Variants in KCNIP4 observed in about 807,000 individuals in gnomAD.
The protein encoded by KCNIP4 is Kv channel-interacting protein 4.
In KCNIP4, 12 loss-of-function variants were observed where a neutral mutation model predicts 34.0. The observed-to-expected ratio is 0.35, with a 90% CI of 0.23 to 0.57. The LOEUF (loss-of-function observed/expected upper bound fraction) is 0.57. KCNIP4 is among the 20% of genes least tolerant of loss of function. KCNIP4 has a pLI of 0.83. For missense variants in KCNIP4, 238 were observed against 311.7 expected, an observed-to-expected ratio of 0.76 and a Z score of 1.78; for synonymous variants, 124 against 102.2, an observed-to-expected ratio of 1.21 and a Z score of -1.29.
intron 1 of KCNIP4, among the ~76,000 whole-genome samples, chr4:21,580,815 A>G (rs556772170): frequency 2.0e-5 from 3 of 152,210 alleles, no homozygotes; most frequent in South Asian, 2.1e-4. Context: ...CATTAAAAAC[A>G]TGGTATACAG....
intron 1 of KCNIP4, among the ~76,000 whole-genome samples, chr4:21,715,365 T>C (rs1198343057): frequency 6.6e-6 from 1 of 152,012 alleles, no homozygotes; most frequent in Non-Finnish European, 1.5e-5. Context: ...CTCCTGACCT[T>C]GTGATCCGCC....
chr4:21,813,610 A>G (rs1242350512), intron 1 of KCNIP4, among the ~76,000 whole-genome samples: 1 of 152,214 alleles, frequency 6.6e-6, no homozygotes, highest in Non-Finnish European at 1.5e-5. Flanking sequence ...AAACATAAGT[A>G]AATGAAGAGT....
At chr4:21,463,768 G>A (rs67990405) in intron 1 of KCNIP4, among the ~76,000 whole-genome samples, 17,793 of 152,040 alleles carry the variant, frequency 0.12, 1,227 homozygotes, top group South Asian at 0.16. Flanking sequence ...TTTTGAAAGA[G>A]TTTGTAAAGA....
At chr4:21,737,414 G>C (rs1309606032) in intron 1 of KCNIP4, among the ~76,000 whole-genome samples, 2 of 151,684 alleles carry the variant, frequency 1.3e-5, no homozygotes, top group African/African-American at 4.8e-5. Context: ...TCAATGAAAA[G>C]GCAAAAATAT....
At chr4:20,817,236 T>C (rs1298892840) in intron 3 of KCNIP4, among the ~76,000 whole-genome samples, 1 of 152,188 alleles carries the variant, frequency 6.6e-6, no homozygotes, top group Non-Finnish European at 1.5e-5. Context: ...CCATTTTACC[T>C]CCATAGGAAG....
rs1748362201 is a variant in KCNIP4, at chr4:20,731,926, G to A, written c.705+80C>T. The A allele has an allele frequency of 3.2e-6, 5 of 1,584,640 alleles. No individual in the cohort carries two copies. In the African/African-American group the frequency reaches 4.0e-5, roughly 13 times the overall value. On this transcript the variant is annotated intron_variant, in intron 8 of 8. Coordinates refer to ENST00000382152, the MANE Select transcript of KCNIP4 (RefSeq NM_025221.6). ...GCATATGATCTCTATATTTCGCCCA[G>A]TTCATGGTAGCTAGCTGCTAATACT... is the stretch of plus-strand genomic sequence containing the variant.
chr4:21,635,896 C>G (rs1343703254), intron 1 of KCNIP4, among the ~76,000 whole-genome samples: 4 of 151,570 alleles, frequency 2.6e-5, no homozygotes, highest in Non-Finnish European at 4.4e-5. Context: ...ACCCAAATGT[C>G]CAACAATGAT....
rs1249905286 is a variant in KCNIP4, at chr4:21,151,307, C to T, written c.62-268598G>A. Among the ~76,000 whole-genome samples, 3 of 151,728 alleles carry T rather than the reference C, an allele frequency of 2.0e-5. 1 individual carries two copies. The highest frequency in any genetic ancestry group is 7.3e-5 in the African/African-American group (3 of 41,282). On this transcript the variant is annotated intron_variant, in intron 1 of 8. Transcript: ENST00000382152. The stretch of plus-strand genomic sequence containing the variant: ...AAATTACAATGGTAACTAATGACTT[C>T]CACAGTTTCCCACAATCACATCAGG...
At chr4:21,784,451 C>T (rs11942426) in intron 1 of KCNIP4, among the ~76,000 whole-genome samples, 18,404 of 151,712 alleles carry the variant, frequency 0.12, 3,365 homozygotes, top group African/African-American at 0.39. Context: ...ATTAAAAAAT[C>T]ACATTTTAAA....
chr4:20,744,731 A>G (rs961494843), intron 5 of KCNIP4, among the ~76,000 whole-genome samples: 1 of 152,192 alleles, frequency 6.6e-6, no homozygotes, highest in Non-Finnish European at 1.5e-5. Flanking sequence ...ACAAACCTGC[A>G]CATTTTGCAC....
At chr4:20,976,947 C>A (rs1442312147) in intron 1 of KCNIP4, among the ~76,000 whole-genome samples, 1 of 152,066 alleles carries the variant, frequency 6.6e-6, no homozygotes, top group Non-Finnish European at 1.5e-5. Context: ...GATTCTCCCA[C>A]CTCAGCCTCC....
intron 1 of KCNIP4, among the ~76,000 whole-genome samples, chr4:21,573,850 G>A (rs1426083434): frequency 1.3e-5 from 2 of 152,134 alleles, no homozygotes; most frequent in Non-Finnish European, 2.9e-5. Flanking sequence ...GATAGACTGG[G>A]ACATTGTTCC....
intron 1 of KCNIP4, among the ~76,000 whole-genome samples, chr4:21,720,066 G>GAA (rs397878206): frequency 9.7e-5 from 14 of 144,178 alleles, no homozygotes; most frequent in East Asian, 6.3e-4. Flanking sequence ...AGAAGAAGAA[G>GAA]AAAAAAAAAA....
intron 1 of KCNIP4, among the ~76,000 whole-genome samples, chr4:21,339,620 C>T (rs954448504): frequency 8.6e-5 from 13 of 151,980 alleles, no homozygotes; most frequent in African/African-American, 3.1e-4. Context: ...ATTAGGAAGA[C>T]ATAGTGGGGA....
Position 20,749,677 on chromosome 4 carries a change from T to C in KCNIP4, c.414A>G (p.Gly138=). The part of the protein sequence containing the change: ...LFNAFDTDHN[G]AVSFEDFIKG... ...CAGAGCTTACCTCGAAACTCACAGC[T>C]CCATTGTGGTCTGTATCAAATGCAT... Residue 138 remains glycine, a synonymous_variant, in exon 5 of 9, where the codon GGA becomes GGG. Coordinates refer to ENST00000382152, the MANE Select transcript of KCNIP4 (RefSeq NM_025221.6). 6.2e-7 allele frequency: 1 copy of C among 1,606,848 alleles called. No individual in the cohort carries two copies. The highest frequency in any genetic ancestry group is 8.5e-7 in the Non-Finnish European group (1 of 1,174,566).
chr4:20,831,503 T>C (rs1358071470), intron 3 of KCNIP4, among the ~76,000 whole-genome samples: 2 of 152,144 alleles, frequency 1.3e-5, no homozygotes, highest in African/African-American at 4.8e-5. Flanking sequence ...ATGGCCACAC[T>C]TCTTGAAAAC....
In KCNIP4 at chr4:21,368,809, A is replaced by T. The variant is rs1720055377; in HGVS notation, c.62-486100T>A. Among the ~76,000 whole-genome samples, 2 of 147,680 alleles carry T rather than the reference A, an allele frequency of 1.4e-5. 1 individual carries two copies. The highest frequency in any genetic ancestry group is 5.4e-5 in the African/African-American group (2 of 37,234). ...AAAAATAATGGATATAATTCTAGTT[A>T]CTGTGTGGTTAATTGCTAACACATT... On this transcript the variant is annotated intron_variant, in intron 1 of 8. Transcript: ENST00000382152.
intron 1 of KCNIP4, among the ~76,000 whole-genome samples, chr4:21,819,864 G>T (rs1480774117): frequency 6.6e-6 from 1 of 151,998 alleles, no homozygotes; most frequent in Non-Finnish European, 1.5e-5. Flanking sequence ...CCTTTTTGGT[G>T]TGCAATATGA....
rs1230136154 is a variant in KCNIP4 at position 21,081,072 on chromosome 4, T to G, written c.62-198363A>C. 4.6e-5 allele frequency among the ~76,000 whole-genome samples: 7 copies of G among 151,816 alleles called. No individual in the cohort carries two copies. The East Asian group carries it at 1.3e-3, about 29-fold the overall frequency. On this transcript the variant is annotated intron_variant, in intron 1 of 8. Coordinates refer to ENST00000382152, the MANE Select transcript of KCNIP4 (RefSeq NM_025221.6). The stretch of plus-strand genomic sequence containing the variant: ...ATAAATTAGTTATTAGCCCATAAAC[T>G]GTCTTATATAGTCTGCTCTGAAGGT...
Sources: gnomAD v4.1 joint callset for allele counts (sites outside exome capture counted in the v4.1 genomes callset) on GRCh38, gnomAD v4.1.1 for gene constraint, MANE v1.5 for transcripts, NCBI Gene and HGNC (gene_info 2026-07-23, HGNC 2026-07-21) for gene names.